WDPCP: variants seen among roughly 807,000 people sequenced by gnomAD.
WDPCP encodes WD repeat-containing and planar cell polarity effector protein fritz homolog.
A neutral mutation model predicts 93.1 loss-of-function variants in WDPCP; 71 were observed. The observed-to-expected ratio is 0.76, with a 90% CI of 0.63 to 0.93. The LOEUF (loss-of-function observed/expected upper bound fraction) is 0.93, where lower values mean the gene tolerates loss of function less well. WDPCP is among the 40% of genes least tolerant of loss of function. The pLI is 0.00. For synonymous variants in WDPCP, 315 were observed against 315.0 expected, an observed-to-expected ratio of 1.00 and a Z score of 0.00; for missense variants, 844 against 887.4, an observed-to-expected ratio of 0.95 and a Z score of 0.62.
intron 2 of WDPCP, among the ~76,000 whole-genome samples, chr2:63,798,296 G>C (rs1670644096): frequency 2.0e-5 from 3 of 152,040 alleles, no homozygotes; most frequent in Admixed American, 1.3e-4. Flanking sequence ...CTGTAACTGT[G>C]GTGTGTAAAC....
chr2:63,423,548 T>C (rs891863267), intron 9 of WDPCP, among the ~76,000 whole-genome samples: 22 of 152,224 alleles, frequency 1.4e-4, no homozygotes, highest in African/African-American at 5.1e-4. Flanking sequence ...TTTGGTTAAT[T>C]TGGTAAACAA....
chr2:63,565,682 C>A (rs959046895), intron 1 of WDPCP, among the ~76,000 whole-genome samples: 2 of 152,034 alleles, frequency 1.3e-5, no homozygotes, highest in African/African-American at 4.8e-5. Context: ...ACCTGGAATC[C>A]CACATTAGTT....
chr2:63,444,566 G>A (rs1697721727), intron 6 of WDPCP, among the ~76,000 whole-genome samples: 1 of 152,150 alleles, frequency 6.6e-6, no homozygotes, highest in Non-Finnish European at 1.5e-5. Flanking sequence ...AAAGGAAAAA[G>A]AGCACCAAGA....
the WDPCP span, among the ~76,000 whole-genome samples, chr2:63,839,062 G>A: frequency 0.012 from 1,860 of 152,296 alleles, 16 homozygotes; most frequent in Non-Finnish European, 0.014. Context: ...TGGGTAGTTA[G>A]TTACTTTTTG....
At chr2:63,543,574 T>C (rs2106318257) in intron 1 of WDPCP, among the ~76,000 whole-genome samples, 1 of 152,156 alleles carries the variant, frequency 6.6e-6, no homozygotes, top group Admixed American at 6.5e-5. Context: ...CCATATAATT[T>C]TTTTTTACTT....
At chr2:63,451,736 C>G (rs1046754914) in intron 6 of WDPCP, among the ~76,000 whole-genome samples, 20 of 152,268 alleles carry the variant, frequency 1.3e-4, no homozygotes, top group Middle Eastern at 6.8e-3. Flanking sequence ...CATCAAAAAC[C>G]TTATCCACCA....
chr2:63,820,422 G>C (rs1671000138), intron 1 of WDPCP, among the ~76,000 whole-genome samples: 1 of 152,150 alleles, frequency 6.6e-6, no homozygotes, highest in Admixed American at 6.5e-5. Context: ...CCCAGTTTGA[G>C]ACCTAACTAG....
intron 3 of WDPCP, chr2:63,606,021 T>C (rs200824196): frequency 3.9e-5 from 63 of 1,613,446 alleles, no homozygotes; most frequent in Non-Finnish European, 5.0e-5. Flanking sequence ...TTCCCTGTTG[T>C]AATCAAGGTA....
intron 3 of WDPCP, among the ~76,000 whole-genome samples, chr2:63,621,973 C>A (rs1709742749): frequency 6.6e-6 from 1 of 151,738 alleles, no homozygotes; most frequent in African/African-American, 2.4e-5. Context: ...GTGCACTGCA[C>A]CCACTAACTC....
intron 15 of WDPCP, among the ~76,000 whole-genome samples, chr2:63,157,368 T>C (rs1250173104): frequency 6.6e-6 from 1 of 152,102 alleles, no homozygotes; most frequent in Non-Finnish European, 1.5e-5. Flanking sequence ...TTGATATCTT[T>C]TTTTGTACTG....
chr2:63,195,019 TA>T (rs1392033266), intron 14 of WDPCP, among the ~76,000 whole-genome samples: 14 of 152,166 alleles, frequency 9.2e-5, no homozygotes, highest in Non-Finnish European at 1.5e-5. Context: ...AAATGTATGG[TA>T]ATTTTATAGT....
chr2:63,187,965 G>C (rs1300070339), intron 14 of WDPCP, among the ~76,000 whole-genome samples: 1 of 152,110 alleles, frequency 6.6e-6, no homozygotes, highest in Non-Finnish European at 1.5e-5. Context: ...AGTTTTGCTG[G>C]ATACAGTATT....
At chr2:63,229,051 A>G (rs1240957934) in intron 14 of WDPCP, 1 of 152,178 alleles carries the variant, frequency 6.6e-6, no homozygotes, top group Non-Finnish European at 1.5e-5. Flanking sequence ...TCCCACCAAC[A>G]GTGTAAAAGT....
intron 14 of WDPCP, among the ~76,000 whole-genome samples, chr2:63,232,112 A>C (rs536411254): frequency 1.3e-5 from 2 of 152,330 alleles, no homozygotes; most frequent in South Asian, 4.1e-4. Flanking sequence ...TGGTACTGGG[A>C]AAACTGGCTA....
At chr2:63,634,413 T>A (rs111902094) in intron 3 of WDPCP, among the ~76,000 whole-genome samples, 136 of 152,302 alleles carry the variant, frequency 8.9e-4, no homozygotes, top group Non-Finnish European at 1.7e-3. Context: ...TCTATGGCAA[T>A]ACAATAATAG....
chr2:63,827,232 C>T (rs897608611), intron 1 of WDPCP, among the ~76,000 whole-genome samples: 1 of 152,098 alleles, frequency 6.6e-6, no homozygotes, highest in African/African-American at 2.4e-5. Context: ...AAATTAAGCC[C>T]TCCTTCTGAC....
intron 14 of WDPCP, among the ~76,000 whole-genome samples, chr2:63,258,660 GA>G (rs1195064228): frequency 6.6e-6 from 1 of 152,016 alleles, no homozygotes; most frequent in Non-Finnish European, 1.5e-5. Flanking sequence ...GGAAGAAAAG[GA>G]ATTGGATTTG....
chr2:63,279,983 C>A (rs1354597518), intron 13 of WDPCP, among the ~76,000 whole-genome samples: 1 of 152,102 alleles, frequency 6.6e-6, no homozygotes, highest in Non-Finnish European at 1.5e-5. Context: ...TAATAGACAA[C>A]ACAAATAAAT....
intron 13 of WDPCP, among the ~76,000 whole-genome samples, chr2:63,302,789 T>G (rs1417388933): frequency 6.6e-6 from 1 of 152,226 alleles, no homozygotes; most frequent in Non-Finnish European, 1.5e-5. Context: ...GGTTAAGATG[T>G]AGACCCAGGA....
Sources: allele counts gnomAD v4.1 joint callset (sites outside exome capture counted in the v4.1 genomes callset), GRCh38; gene constraint gnomAD v4.1.1; transcripts MANE v1.5; gene names NCBI Gene and HGNC (gene_info 2026-07-23, HGNC 2026-07-21).